ABCB1: variants seen among roughly 807,000 people sequenced by gnomAD.
ABCB1 encodes ATP binding cassette subfamily B member 1.
Under a neutral mutation model 142.0 loss-of-function variants are expected in ABCB1, and 69 were observed. The ratio of observed to expected loss-of-function variants is 0.49; its 90% CI spans 0.40 to 0.59. ABCB1 has a LOEUF of 0.59. ABCB1 is among the 20% of genes least tolerant of loss of function. The pLI is 0.00. For missense variants in ABCB1, 1,326 were observed against 1,554.7 expected, an observed-to-expected ratio of 0.85 and a Z score of 2.47; for synonymous variants, 532 against 539.2, an observed-to-expected ratio of 0.99 and a Z score of 0.18.
At chr7:87,662,877 C>G (rs1186011466) in intron 1 of ABCB1, among the ~76,000 whole-genome samples, 1 of 152,050 alleles carries the variant, frequency 6.6e-6, no homozygotes, top group Non-Finnish European at 1.5e-5. Flanking sequence ...TTCCAATTCA[C>G]TAACATGGAA....
intron 1 of ABCB1, among the ~76,000 whole-genome samples, chr7:87,630,398 A>G (rs762782939): frequency 1.3e-5 from 2 of 152,236 alleles, no homozygotes; most frequent in African/African-American, 2.4e-5. Flanking sequence ...TGGTAAAGTA[A>G]TATGGTATCC....
At chr7:87,588,261 A>G (rs187130788) in intron 3 of ABCB1, among the ~76,000 whole-genome samples, 30 of 151,976 alleles carry the variant, frequency 2.0e-4, no homozygotes, top group African/African-American at 7.2e-4. Context: ...GGGTTGTTGT[A>G]CAGATTATTT....
intron 1 of ABCB1, among the ~76,000 whole-genome samples, chr7:87,625,870 TCTGA>T (rs1376192930): frequency 1.3e-5 from 2 of 151,852 alleles, no homozygotes; most frequent in African/African-American, 2.4e-5. Flanking sequence ...AAGTGTAAAG[TCTGA>T]CTAAATTGTT....
intron 2 of ABCB1, among the ~76,000 whole-genome samples, chr7:87,596,355 T>C (rs1484645722): frequency 6.6e-6 from 1 of 152,068 alleles, no homozygotes; most frequent in Non-Finnish European, 1.5e-5. Flanking sequence ...TTACTCCTTA[T>C]AAGCAAATCT....
intron 26 of ABCB1, among the ~76,000 whole-genome samples, chr7:87,508,651 A>G (rs1199708075): frequency 6.6e-6 from 1 of 152,168 alleles, no homozygotes; most frequent in African/African-American, 2.4e-5. Flanking sequence ...GGGGCCCATG[A>G]AATGTATGAC....
At chr7:87,586,236 T>C (rs983436422) in intron 3 of ABCB1, among the ~76,000 whole-genome samples, 1 of 152,120 alleles carries the variant, frequency 6.6e-6, no homozygotes, top group African/African-American at 2.4e-5. Flanking sequence ...TCAAGGAACA[T>C]TTTTTCTGAG....
rs536251048 is a variant in ABCB1 at position 87,589,451 on chromosome 7, G to T, written c.118-3771C>A. On this transcript the variant is annotated intron_variant, in intron 3 of 27. Transcript: ENST00000622132. Reference sequence around the variant, plus strand: ...AAAAACGTTGTAACACAGGTGAAATGTAAAATAGAAGTATAAACTAATTGT... The same window carrying T: ...AAAAACGTTGTAACACAGGTGAAATTTAAAATAGAAGTATAAACTAATTGT... Among the ~76,000 whole-genome samples the T allele has an allele frequency of 3.2e-4, 49 of 152,232 alleles. No individual in the cohort carries two copies. In the South Asian group the frequency reaches 9.9e-3, roughly 31 times the overall value.
chr7:87,597,242 A>T (rs1297158713), intron 2 of ABCB1, among the ~76,000 whole-genome samples: 1 of 152,062 alleles, frequency 6.6e-6, no homozygotes, highest in Non-Finnish European at 1.5e-5. Flanking sequence ...CACCCCTACT[A>T]GATAACTTAC....
chr7:87,530,493 T>C (rs1022862938), intron 21 of ABCB1, among the ~76,000 whole-genome samples: 1 of 151,088 alleles, frequency 6.6e-6, no homozygotes, highest in Admixed American at 6.6e-5. Flanking sequence ...ATGGTTGCTA[T>C]AAGGAATAAG....
At chr7:87,583,414 G>A (rs1437568228) in intron 4 of ABCB1, among the ~76,000 whole-genome samples, 1 of 152,168 alleles carries the variant, frequency 6.6e-6, no homozygotes, top group Non-Finnish European at 1.5e-5. Flanking sequence ...AATAACAAAA[G>A]TAAACTTTCA....
chr7:87,549,751 T>C lies in ABCB1; in HGVS notation c.1554+100A>G, dbSNP rs552229351. 6.4e-5 allele frequency: 92 copies of C among 1,440,970 alleles called. 2 individuals carry two copies. The South Asian group carries it at 1.0e-3, about 16-fold the overall frequency. 89.3% of individuals were successfully genotyped at this position (1,440,970 alleles called of 1,614,324 possible). A position where few individuals can be genotyped will look rare whatever the true frequency, so the allele number is the denominator to read the frequency against. On this transcript the variant is annotated intron_variant, in intron 13 of 27. Transcript: ENST00000622132. ...AATCTTACTTTCCCTTCTTAGGATT[T>C]CCCTTCTTCCGATTTATAGTAGTTT...
chr7:87,639,084 G>A (rs1391649146), intron 1 of ABCB1, among the ~76,000 whole-genome samples: 2 of 150,518 alleles, frequency 1.3e-5, no homozygotes, highest in Admixed American at 6.6e-5. Flanking sequence ...CCCCGGAGGC[G>A]GAGCTTGCAG....
intron 4 of ABCB1, among the ~76,000 whole-genome samples, chr7:87,570,596 A>G (rs1311923675): frequency 6.6e-6 from 1 of 152,242 alleles, no homozygotes; most frequent in Non-Finnish European, 1.5e-5. Context: ...ACTAAGGTAT[A>G]TATTTAAAAT....
At chr7:87,558,788 A>T (rs553104172) in intron 8 of ABCB1, among the ~76,000 whole-genome samples, 1 of 152,120 alleles carries the variant, frequency 6.6e-6, no homozygotes, top group South Asian at 2.1e-4. Context: ...AGTTTTTGTC[A>T]TGAATCATAT....
At chr7:87,552,507 C>A (rs1451317809) in intron 9 of ABCB1, among the ~76,000 whole-genome samples, 1 of 152,056 alleles carries the variant, frequency 6.6e-6, no homozygotes, top group Non-Finnish European at 1.5e-5. Context: ...TCAAACCCCA[C>A]ACTCCCTATT....
chr7:87,668,758 T>G (rs867011720), intron 1 of ABCB1, among the ~76,000 whole-genome samples: 1 of 152,188 alleles, frequency 6.6e-6, no homozygotes, highest in Non-Finnish European at 1.5e-5. Flanking sequence ...AAGAGCATGA[T>G]GTTTAATTTC....
chr7:87,699,172 A>G (rs752696997), intron 1 of ABCB1, among the ~76,000 whole-genome samples: 6 of 152,170 alleles, frequency 3.9e-5, no homozygotes, highest in Non-Finnish European at 8.8e-5. Flanking sequence ...ATGTTGCTGT[A>G]GAGAAGTAAT....
intron 1 of ABCB1, among the ~76,000 whole-genome samples, chr7:87,621,649 A>G (rs781276600): frequency 6.6e-6 from 1 of 152,168 alleles, no homozygotes; most frequent in Non-Finnish European, 1.5e-5. Context: ...CAAAATTTCT[A>G]TGGGAAACAA....
At chr7:87,565,819 T>A (rs1265084934) in intron 7 of ABCB1, among the ~76,000 whole-genome samples, 2 of 151,970 alleles carry the variant, frequency 1.3e-5, no homozygotes, top group African/African-American at 4.8e-5. Flanking sequence ...AGGCAGAAGG[T>A]AGATATGAGA....
Sources: gnomAD v4.1 joint callset for allele counts (sites outside exome capture counted in the v4.1 genomes callset) on GRCh38, gnomAD v4.1.1 for gene constraint, MANE v1.5 for transcripts, NCBI Gene and HGNC (gene_info 2026-07-23, HGNC 2026-07-21) for gene names.